ABI3BP: variants seen among roughly 807,000 people sequenced by gnomAD.
ABI3BP encodes ABI family member 3 binding protein.
Under a neutral mutation model 268.6 loss-of-function variants are expected in ABI3BP, and 216 were observed. That is an observed-to-expected ratio of 0.80 (90% CI 0.72 to 0.90). The LOEUF is 0.90. ABI3BP is among the 40% of genes least tolerant of loss of function. The pLI is 0.00. For synonymous variants in ABI3BP, 730 were observed against 730.0 expected, an observed-to-expected ratio of 1.00 and a Z score of 0.00; for missense variants, 2,090 against 2,182.4, an observed-to-expected ratio of 0.96 and a Z score of 0.84.
intron 57 of ABI3BP, 42 bp downstream of exon 57, chr3:100,787,686 A>T (rs1355531439): frequency 7.1e-7 from 1 of 1,413,180 alleles, no homozygotes; most frequent in African/African-American, 1.5e-5. Context: ...TAACACTTAT[A>T]GTTTTGACAG....
At chr3:100,972,512 A>G (rs2084084946) in intron 1 of ABI3BP, among the ~76,000 whole-genome samples, 1 of 152,194 alleles carries the variant, frequency 6.6e-6, no homozygotes, top group Admixed American at 6.5e-5. Flanking sequence ...TCTCATCAAG[A>G]TGTTATCTTC....
At position 100,842,036 on chromosome 3, in the gene ABI3BP, G is replaced by A. The variant is rs2098712530; in HGVS notation, c.1727C>T (p.Pro576Leu). ...SPEVTHTKPAPEPQTLLPSQS... is the reference protein window; with the variant it reads ...SPEVTHTKPALEPQTLLPSQS... ...TGATGGCAGTAGAGTCTGAGGTTCTGGGGCTGTAATAAAAGCAAGTAATAT... is the reference window on the plus strand; with the variant it reads ...TGATGGCAGTAGAGTCTGAGGTTCTAGGGCTGTAATAAAAGCAAGTAATAT... The change falls in exon 21 of 68, where the codon CCA (proline) becomes CTA (leucine). Residue 576 changes from proline (P) to leucine (L), a missense_variant. Coordinates refer to ENST00000471714, the MANE Select transcript of ABI3BP (RefSeq NM_001375547.2). 4 of 1,534,440 alleles carry A rather than the reference G, an allele frequency of 2.6e-6. No individual in the cohort carries two copies. In the African/African-American group the frequency reaches 4.1e-5, roughly 16 times the overall value.
At chr3:100,914,849 G>A (rs1328594822) in intron 2 of ABI3BP, among the ~76,000 whole-genome samples, 1 of 152,070 alleles carries the variant, frequency 6.6e-6, no homozygotes, top group Non-Finnish European at 1.5e-5. Context: ...CTAAACAGAG[G>A]GTCATTTTAA....
rs571590261 is a variant in ABI3BP at position 100,831,098 on chromosome 3, C to T, written c.2402-464G>A. On this transcript the variant is annotated intron_variant, in intron 31 of 67. Coordinates refer to ENST00000471714, the MANE Select transcript of ABI3BP (RefSeq NM_001375547.2). ...TAGCAGAGAGCCCCTATGGTGATCCCCAGTGGTTTCTGCCTCTGGTGTTAA... is the reference window on the plus strand; with the variant it reads ...TAGCAGAGAGCCCCTATGGTGATCCTCAGTGGTTTCTGCCTCTGGTGTTAA... Among the ~76,000 whole-genome samples, 80 of 152,258 alleles carry T rather than the reference C, an allele frequency of 5.3e-4. 1 individual carries two copies. Among genetic ancestry groups the T allele is most frequent in the African/African-American group, 1.6e-3 (68 of 41,554 alleles).
At chr3:100,975,859 G>A (rs1175741483) in intron 1 of ABI3BP, among the ~76,000 whole-genome samples, 1 of 152,108 alleles carries the variant, frequency 6.6e-6, no homozygotes, top group East Asian at 1.9e-4. Context: ...AGGGTATTTG[G>A]TCTGGGAAGA....
chr3:100,844,240 C>T (rs551822916), intron 20 of ABI3BP: 54 of 985,374 alleles, frequency 5.5e-5, no homozygotes, highest in African/African-American at 1.0e-4. Flanking sequence ...CGTTGGAAGA[C>T]GGTCAAGTGA....
At chr3:100,960,697 C>T (rs546979179) in intron 1 of ABI3BP, among the ~76,000 whole-genome samples, 3 of 152,250 alleles carry the variant, frequency 2.0e-5, no homozygotes, top group Admixed American at 6.5e-5. Flanking sequence ...CCCATAAGTG[C>T]GGACTTTGAA....
chr3:100,821,251 A>G (rs904629096), intron 38 of ABI3BP, 138 bp from the exon 39 acceptor site: 1 of 713,744 alleles, frequency 1.4e-6, no homozygotes, highest in East Asian at 2.7e-5. Context: ...GTTAAAACTA[A>G]AAAAGTAGAC....
Position 100,830,589 on chromosome 3 carries a change from C to T in ABI3BP, c.2447G>A (p.Gly816Glu). The change falls in exon 32 of 68, where the codon GGG becomes GAG. Residue 816 changes from glycine (G) to glutamate (E), a missense_variant. Physicochemically the swap from Gly to Glu is moderately conservative, Grantham distance 98. Coordinates refer to ENST00000471714, the MANE Select transcript of ABI3BP (RefSeq NM_001375547.2). ...LEPVLRTEAS[G>E]TTAAPKVPQR... ...TAATGTGCCATTACCTGCTGTTGTC[C>T]CTGAAGCCTCAGTTCTAAGAACTGG... 1 of 1,532,872 alleles carries T rather than the reference C, an allele frequency of 6.5e-7. No individual in the cohort carries two copies. Among genetic ancestry groups the T allele is most frequent in the African/African-American group, 1.4e-5 (1 of 73,002 alleles). 95.0% of individuals were successfully genotyped at this position (1,532,872 alleles called of 1,614,324 possible). A position where few individuals can be genotyped will look rare whatever the true frequency, so the allele number is the denominator to read the frequency against.
At chr3:100,889,351 T>G (rs1047506450) in intron 4 of ABI3BP, among the ~76,000 whole-genome samples, 40 of 152,278 alleles carry the variant, frequency 2.6e-4, no homozygotes, top group African/African-American at 9.4e-4. Context: ...CCTTTTGTAC[T>G]GCACTGGACT....
chr3:100,928,004 G>C (rs1279447500), intron 1 of ABI3BP, among the ~76,000 whole-genome samples: 2 of 149,360 alleles, frequency 1.3e-5, no homozygotes, highest in African/African-American at 5.0e-5. Context: ...ATCCCAGTCA[G>C]AACCATCCTG....
chr3:100,882,804 T>C (rs146549765), intron 6 of ABI3BP, among the ~76,000 whole-genome samples: 146 of 152,220 alleles, frequency 9.6e-4, no homozygotes, highest in Admixed American at 1.6e-3. Flanking sequence ...ATTACTGGGA[T>C]ATGATAGCTG....
chr3:100,841,931 G>A, intron 21 of ABI3BP, 67 bp downstream of exon 21: 1 of 1,188,328 alleles, frequency 8.4e-7, no homozygotes, highest in African/African-American at 1.6e-5. Flanking sequence ...ACCCAAAGCT[G>A]AACAAAGTTG....
chr3:100,792,263 T>G (rs965094197), intron 55 of ABI3BP, among the ~76,000 whole-genome samples: 1 of 151,802 alleles, frequency 6.6e-6, no homozygotes, highest in Admixed American at 6.6e-5. Context: ...TTCTTATTAA[T>G]GTATTTCATC....
At chr3:100,876,601 A>G (rs1267199120) in intron 6 of ABI3BP, 41 bp from the exon 7 acceptor site, 2 of 1,576,602 alleles carry the variant, frequency 1.3e-6, no homozygotes, top group Non-Finnish European at 1.7e-6. Context: ...AGTCATTGTG[A>G]ATAACTTTCT....
chr3:100,983,773 C>G (rs2153967406), intron 1 of ABI3BP, among the ~76,000 whole-genome samples: 1 of 152,250 alleles, frequency 6.6e-6, no homozygotes, highest in African/African-American at 2.4e-5. Context: ...AAATGTAAGT[C>G]CATTCTTAAA....
chr3:100,777,256 C>T (rs2096731330), intron 59 of ABI3BP, among the ~76,000 whole-genome samples: 2 of 152,168 alleles, frequency 1.3e-5, no homozygotes, highest in Non-Finnish European at 2.9e-5. Flanking sequence ...CCCGATTCCA[C>T]CTACAAAATA....
chr3:100,899,407 G>A (rs998778595), intron 3 of ABI3BP, among the ~76,000 whole-genome samples: 3 of 152,130 alleles, frequency 2.0e-5, no homozygotes, highest in Non-Finnish European at 4.4e-5. Flanking sequence ...ATTTAGAAGT[G>A]TAAAATCTCT....
chr3:100,832,874 GT>G (rs1350161690), intron 30 of ABI3BP, among the ~76,000 whole-genome samples: 7 of 152,166 alleles, frequency 4.6e-5, no homozygotes, highest in African/African-American at 1.7e-4. Context: ...GGGAATTGTA[GT>G]TGGATCTTGG....
Sources: gnomAD v4.1 joint callset for allele counts (sites outside exome capture counted in the v4.1 genomes callset) on GRCh38, gnomAD v4.1.1 for gene constraint, MANE v1.5 for transcripts, NCBI Gene and HGNC (gene_info 2026-07-23, HGNC 2026-07-21) for gene names.